LAMA2: variants seen among roughly 807,000 people sequenced by gnomAD.
The protein encoded by LAMA2 is laminin subunit alpha-2.
Under a neutral mutation model 364.8 loss-of-function variants are expected in LAMA2, and 269 were observed. The observed-to-expected ratio is 0.74, with a 90% CI of 0.67 to 0.82. LAMA2 has a LOEUF of 0.82. LAMA2 is among the 40% of genes least tolerant of loss of function. The pLI is 0.00. For missense variants in LAMA2, 3,807 were observed against 3,873.2 expected, an observed-to-expected ratio of 0.98 and a Z score of 0.45; for synonymous variants, 1,379 against 1,370.6, an observed-to-expected ratio of 1.01 and a Z score of -0.14.
At chr6:129,150,927 A>C (rs1778755960) in intron 7 of LAMA2, among the ~76,000 whole-genome samples, 2 of 152,178 alleles carry the variant, frequency 1.3e-5, no homozygotes, top group Admixed American at 6.5e-5. Flanking sequence ...AATTCATTTG[A>C]GTTTAATTTG....
intron 1 of LAMA2, among the ~76,000 whole-genome samples, chr6:128,925,801 G>T (rs1190662859): frequency 2.0e-5 from 3 of 151,686 alleles, no homozygotes; most frequent in Non-Finnish European, 4.4e-5. Context: ...GCAATATATG[G>T]TTTATTCTTT....
intron 17 of LAMA2, among the ~76,000 whole-genome samples, chr6:129,272,041 A>AT (rs778634166): frequency 6.6e-6 from 1 of 152,106 alleles, no homozygotes; most frequent in Non-Finnish European, 1.5e-5. Context: ...TTTACTCAGA[A>AT]TTTTTTACCT....
chr6:129,176,038 T>G (rs1347989652), intron 9 of LAMA2, among the ~76,000 whole-genome samples: 1 of 151,990 alleles, frequency 6.6e-6, no homozygotes, highest in Admixed American at 6.6e-5. Flanking sequence ...TTATCTATTT[T>G]TAAAATAATG....
At chr6:128,933,609 G>A (rs1201902475) in intron 1 of LAMA2, among the ~76,000 whole-genome samples, 1 of 151,968 alleles carries the variant, frequency 6.6e-6, no homozygotes, top group African/African-American at 2.4e-5. Flanking sequence ...TTATATAATA[G>A]CCATGCTAAT....
chr6:129,043,729 T>C (rs1196928402), intron 1 of LAMA2, among the ~76,000 whole-genome samples: 1 of 152,212 alleles, frequency 6.6e-6, no homozygotes, highest in Admixed American at 6.5e-5. Flanking sequence ...TAGCACATTG[T>C]AGAAACTCTG....
chr6:129,048,545 CTTTCTT>C lies in LAMA2; in HGVS notation c.113-1371_113-1366del, dbSNP rs1365617861. On this transcript the variant is annotated intron_variant, in intron 1 of 64. Transcript: ENST00000421865. The stretch of plus-strand genomic sequence containing the variant: ...CCTTCCTTCCTTCCTTCCTTCCTTT[CTTTCTT>C]TCTCTCTCTCTCTCTCTTTCTTTCT... Among the ~76,000 whole-genome samples the C allele has an allele frequency of 8.1e-5, 4 of 49,422 alleles. 1 individual carries two copies. The highest frequency in any genetic ancestry group is 3.4e-4 in the African/African-American group (4 of 11,668). The allele number at this position is 49,422 out of a possible 152,430, so 32.4% of individuals were successfully genotyped here.
chr6:129,436,245 AT>A (rs1430891422), intron 41 of LAMA2, among the ~76,000 whole-genome samples: 2 of 152,034 alleles, frequency 1.3e-5, no homozygotes, highest in Non-Finnish European at 2.9e-5. Context: ...TCTACCCACT[AT>A]TAATTACTGT....
chr6:129,144,842 G>A (rs1778334999), intron 5 of LAMA2, among the ~76,000 whole-genome samples: 1 of 151,990 alleles, frequency 6.6e-6, no homozygotes, highest in Non-Finnish European at 1.5e-5. Context: ...AGAGCTAACA[G>A]AAGTGCTGTC....
Position 129,052,430 on chromosome 6 carries a change from G to A in LAMA2, c.283+2342G>A, listed in dbSNP as rs4345416. Reference sequence around the variant, plus strand: ...CCCAAAGTGCTGGGATTACAGGCGTGAGCCACCGCGCCCGGCCTTTTCTCT... The same window carrying A: ...CCCAAAGTGCTGGGATTACAGGCGTAAGCCACCGCGCCCGGCCTTTTCTCT... On this transcript the variant is annotated intron_variant, in intron 2 of 64. Coordinates refer to ENST00000421865, the MANE Select transcript of LAMA2 (RefSeq NM_000426.4). Among the ~76,000 whole-genome samples the A allele has an allele frequency of 1.3e-5, 2 of 151,644 alleles. 1 individual carries two copies. The highest frequency in any genetic ancestry group is 4.2e-4 in the South Asian group (2 of 4,814).
At chr6:129,464,222 G>T in intron 49 of LAMA2, 68 bp from the exon 50 acceptor site, 2 of 1,302,632 alleles carry the variant, frequency 1.5e-6, no homozygotes, top group Non-Finnish European at 1.1e-6. Context: ...TTGCTATTCA[G>T]TGATGCATTG....
intron 1 of LAMA2, among the ~76,000 whole-genome samples, chr6:128,920,017 G>A (rs1778590429): frequency 6.6e-6 from 1 of 152,040 alleles, no homozygotes; most frequent in South Asian, 2.1e-4. Context: ...AAAATGAGCT[G>A]TATCCATTCT....
At chr6:129,399,642 G>A (rs182775511) in intron 37 of LAMA2, among the ~76,000 whole-genome samples, 42 of 152,274 alleles carry the variant, frequency 2.8e-4, no homozygotes, top group African/African-American at 9.4e-4. Flanking sequence ...ATTTTAGATA[G>A]GTAATCAGAG....
chr6:129,442,510 A>G (rs1782168474), intron 43 of LAMA2, among the ~76,000 whole-genome samples: 1 of 152,136 alleles, frequency 6.6e-6, no homozygotes, highest in African/African-American at 2.4e-5. Context: ...CTTACTTCAT[A>G]ATTTAAGATA....
At chr6:129,163,418 G>A (rs1331489141) in intron 8 of LAMA2, among the ~76,000 whole-genome samples, 5 of 152,162 alleles carry the variant, frequency 3.3e-5, no homozygotes, top group African/African-American at 1.2e-4. Flanking sequence ...CAAGTCGCTT[G>A]CGGTCAGGAG....
intron 64 of LAMA2, among the ~76,000 whole-genome samples, chr6:129,515,034 T>TATAG (rs2114942025): frequency 6.6e-6 from 1 of 152,318 alleles, no homozygotes; most frequent in African/African-American, 2.4e-5. Context: ...CTTATGTTAT[T>TATAG]ATAGAGTTTA....
intron 41 of LAMA2, among the ~76,000 whole-genome samples, chr6:129,438,131 G>A (rs62421012): frequency 5.1e-4 from 78 of 151,668 alleles, no homozygotes; most frequent in Non-Finnish European, 9.5e-4. Flanking sequence ...TCAGATATGT[G>A]CTAAATGTTG....
intron 43 of LAMA2, 170 bp from the exon 44 acceptor site, chr6:129,442,893 T>C (rs1782188144): frequency 6.9e-6 from 4 of 582,292 alleles, no homozygotes; most frequent in Non-Finnish European, 1.2e-5. Flanking sequence ...ATATATTTTG[T>C]GTACTTTTAT....
intron 3 of LAMA2, among the ~76,000 whole-genome samples, chr6:129,067,837 C>T (rs912934099): frequency 6.6e-6 from 1 of 152,172 alleles, no homozygotes; most frequent in African/African-American, 2.4e-5. Context: ...CTTGTTTCCT[C>T]ACCTCCTTTT....
At chr6:129,457,229 G>A (rs1215411415) in intron 48 of LAMA2, among the ~76,000 whole-genome samples, 1 of 152,034 alleles carries the variant, frequency 6.6e-6, no homozygotes, top group Non-Finnish European at 1.5e-5. Context: ...ATAGAATGAG[G>A]TTATTTTATT....
Sources: allele counts gnomAD v4.1 joint callset (sites outside exome capture counted in the v4.1 genomes callset), GRCh38; gene constraint gnomAD v4.1.1; transcripts MANE v1.5; gene names NCBI Gene and HGNC (gene_info 2026-07-23, HGNC 2026-07-21).